Variants in ANXA8 observed in about 807,000 individuals in gnomAD.
The protein encoded by ANXA8 is VAC-beta.
ANXA8 carries 9 observed loss-of-function variants against 26.8 expected under a neutral mutation model. That is an observed-to-expected ratio of 0.34 (90% CI 0.20 to 0.59). The LOEUF (loss-of-function observed/expected upper bound fraction) is 0.59. ANXA8 is among the 20% of genes least tolerant of loss of function. ANXA8 has a pLI of 0.84. For missense variants in ANXA8, 83 were observed against 238.5 expected (o/e 0.35, Z 4.29); for synonymous variants, 39 against 94.8 (o/e 0.41, Z 3.42).
chr10:47,673,300 A>ACTC, the ANXA8 span, among the ~76,000 whole-genome samples: 1 of 151,578 alleles, frequency 6.6e-6, no homozygotes, highest in South Asian at 2.1e-4. Context: ...CCACCCTTAG[A>ACTC]AGGCAGGATT....
chr10:47,628,305 A>G, the ANXA8 span, among the ~76,000 whole-genome samples: 1 of 152,246 alleles, frequency 6.6e-6, no homozygotes, highest in South Asian at 2.1e-4. Flanking sequence ...ATTGTTAACA[A>G]GGAAGAAACA....
At chr10:47,534,670 T>G in the ANXA8 span, among the ~76,000 whole-genome samples, 1 of 121,396 alleles carries the variant, frequency 8.2e-6, no homozygotes, top group Non-Finnish European at 1.7e-5. Flanking sequence ...TTTTTTTTTT[T>G]TGAGACGGAG....
chr10:47,506,622 G>A, the ANXA8 span, among the ~76,000 whole-genome samples: 4 of 141,682 alleles, frequency 2.8e-5, no homozygotes, highest in Non-Finnish European at 4.6e-5. Context: ...GAACCACTGC[G>A]CCCCACCAGC....
the ANXA8 span, among the ~76,000 whole-genome samples, chr10:47,960,482 C>T: frequency 3.3e-5 from 5 of 149,360 alleles, no homozygotes; most frequent in African/African-American, 7.5e-5. Context: ...TTATAAACAC[C>T]TTGGGGGAAC....
At chr10:47,533,223 ACCCC>A in the ANXA8 span, among the ~76,000 whole-genome samples, 45 of 138,968 alleles carry the variant, frequency 3.2e-4, no homozygotes, top group African/African-American at 4.8e-4. Flanking sequence ...ACACACACAC[ACCCC>A]CGCAGACACC....
chr10:47,544,071 A>G, the ANXA8 span, among the ~76,000 whole-genome samples: 13 of 151,674 alleles, frequency 8.6e-5, no homozygotes, highest in South Asian at 2.7e-3. Flanking sequence ...AAGGAAACTG[A>G]AGGCACGCAC....
At chr10:47,594,031 C>T in the ANXA8 span, among the ~76,000 whole-genome samples, 1 of 146,616 alleles carries the variant, frequency 6.8e-6, no homozygotes, top group Non-Finnish European at 1.5e-5. Context: ...CTTGGACTTA[C>T]ACCAGTGGTT....
the ANXA8 span, among the ~76,000 whole-genome samples, chr10:47,698,744 A>C: frequency 6.6e-6 from 1 of 152,158 alleles, no homozygotes; most frequent in Non-Finnish European, 1.5e-5. Context: ...GGGGAGGCTT[A>C]AGTGGGAAAG....
the ANXA8 span, among the ~76,000 whole-genome samples, chr10:47,709,293 A>G: frequency 6.8e-6 from 1 of 148,132 alleles, no homozygotes; most frequent in African/African-American, 2.6e-5. Context: ...AAGGAAGGAA[A>G]GAAGAATCAC....
the ANXA8 span, among the ~76,000 whole-genome samples, chr10:47,747,913 CAATTAGATTTAGCAGA>C: frequency 2.6e-5 from 4 of 151,626 alleles, no homozygotes; most frequent in Non-Finnish European, 5.9e-5. Context: ...GGGTTAACTA[CAATTAGATTTAGCAGA>C]AGGAACATTC....
At chr10:47,639,911 G>A in the ANXA8 span, among the ~76,000 whole-genome samples, 1 of 145,460 alleles carries the variant, frequency 6.9e-6, no homozygotes, top group African/African-American at 2.6e-5. Flanking sequence ...CCGAGTAGCT[G>A]GGACTACAGG....
At chr10:47,680,329 A>G in the ANXA8 span, among the ~76,000 whole-genome samples, 1 of 151,886 alleles carries the variant, frequency 6.6e-6, no homozygotes, top group Non-Finnish European at 1.5e-5. Flanking sequence ...TGCAACATGG[A>G]TATGTATCAA....
the ANXA8 span, among the ~76,000 whole-genome samples, chr10:47,554,278 CCACTG>C: frequency 1.0e-3 from 135 of 134,400 alleles, no homozygotes; most frequent in African/African-American, 3.4e-3. Flanking sequence ...TGAGATCGAG[CCACTG>C]CACTCCAGCC....
the ANXA8 span, among the ~76,000 whole-genome samples, chr10:47,686,145 C>T: frequency 6.6e-6 from 1 of 151,510 alleles, no homozygotes; most frequent in Non-Finnish European, 1.5e-5. Flanking sequence ...ATGGGCAGTT[C>T]CACATTGGTT....
chr10:47,505,512 ATCC>A, the ANXA8 span, among the ~76,000 whole-genome samples: 1 of 139,176 alleles, frequency 7.2e-6, no homozygotes, highest in Non-Finnish European at 1.5e-5. Context: ...TTTTTAAAGA[ATCC>A]GTGATTTAAC....
At chr10:47,697,055 G>A in the ANXA8 span, among the ~76,000 whole-genome samples, 1 of 151,684 alleles carries the variant, frequency 6.6e-6, no homozygotes, top group South Asian at 2.1e-4. Context: ...AAAAGAAGCT[G>A]TTTAATGAGG....
the ANXA8 span, among the ~76,000 whole-genome samples, chr10:47,552,150 G>A: frequency 6.6e-6 from 1 of 151,764 alleles, no homozygotes; most frequent in African/African-American, 2.4e-5. Flanking sequence ...AGTTACCTCT[G>A]CTAAGGTTAC....
the ANXA8 span, among the ~76,000 whole-genome samples, chr10:47,639,873 G>A: frequency 5.4e-4 from 77 of 143,906 alleles, 1 homozygote; most frequent in East Asian, 8.0e-3. Context: ...TGCCTCCTGG[G>A]CTCAAGAAAT....
the ANXA8 span, among the ~76,000 whole-genome samples, chr10:47,894,996 G>T: frequency 6.6e-6 from 1 of 150,596 alleles, no homozygotes; most frequent in African/African-American, 2.5e-5. Context: ...TACATAATAC[G>T]TCACACATAC....
Sources: gnomAD v4.1 joint callset for allele counts (sites outside exome capture counted in the v4.1 genomes callset) on GRCh38, gnomAD v4.1.1 for gene constraint, MANE v1.5 for transcripts, NCBI Gene and HGNC (gene_info 2026-07-23, HGNC 2026-07-21) for gene names.